Variants in CDCA5 observed in about 807,000 individuals in gnomAD.
CDCA5 encodes the protein cell division cycle associated 5.
CDCA5 carries 14 observed loss-of-function variants against 25.7 expected under a neutral mutation model. The observed-to-expected ratio is 0.54, with a 90% confidence interval of 0.36 to 0.85. CDCA5 has a LOEUF of 0.85. Ranked by LOEUF, CDCA5 falls within the 40% of genes least tolerant of loss-of-function variation. The pLI, the probability that CDCA5 is intolerant of heterozygous loss-of-function variation, is 0.01. For synonymous variants in CDCA5, 127 were observed against 128.7 expected, an observed-to-expected ratio of 0.99 and a Z score of 0.09; for missense variants, 307 against 324.5, an observed-to-expected ratio of 0.95 and a Z score of 0.41.
At chr11:65,066,631 C>T (rs572464737) in exon 6 of CDCA5, 39 of 1,289,298 alleles carry the variant, frequency 3.0e-5, no homozygotes, top group Non-Finnish European at 3.9e-5. Flanking sequence ...TGGGCCTCCT[C>T]CTGGATGGCC....
intron 1 of CDCA5, among the ~76,000 whole-genome samples, chr11:65,070,787 T>C (rs1326227830): frequency 6.6e-6 from 1 of 152,088 alleles, no homozygotes; most frequent in Non-Finnish European, 1.5e-5. Flanking sequence ...CCCAGGCAGG[T>C]TGAGAATTTC....
At chr11:65,073,389 C>T (rs1947378347), downstream of CDCA5, among the ~76,000 whole-genome samples, 1 of 152,146 alleles carries the variant, frequency 6.6e-6, no homozygotes, top group Non-Finnish European at 1.5e-5. Flanking sequence ...GGATTCAAAC[C>T]CAGTTGGATT....
chr11:65,079,392 C>T lies in CDCA5; in HGVS notation c.639G>A (p.Glu213=). The T allele has an allele frequency of 6.2e-7, 1 of 1,614,112 alleles. No individual in the cohort carries two copies. Among genetic ancestry groups the T allele is most frequent in the Non-Finnish European group, 8.5e-7 (1 of 1,180,008 alleles). Residue 213 remains glutamate, a synonymous_variant, in exon 5 of 6, where the codon GAG becomes GAA. Coordinates refer to ENST00000275517, the MANE Select transcript of CDCA5 (RefSeq NM_080668.4). ...TTTTCTTCTTCTTACGTTTCTGTTT[C>T]TCGGGTGGTGGGGAGATTCCAGGGA... ...MTLPGISPPP[E]KQKRKKKKMP... is the part of the protein sequence containing the mutation.
chr11:65,079,831 A>G, intron 4 of CDCA5, 44 bp from the exon 5 acceptor site: 3 of 1,379,684 alleles, frequency 2.2e-6, no homozygotes, highest in Non-Finnish European at 1.9e-6. Context: ...ACTTAGCTGG[A>G]CTGCTTACTT....
exon 6 of CDCA5, chr11:65,066,652 C>T: frequency 7.8e-7 from 1 of 1,289,340 alleles, no homozygotes; most frequent in African/African-American, 1.5e-5. Flanking sequence ...TGGGCTCCCT[C>T]CTTCAGGCTC....
downstream of CDCA5, among the ~76,000 whole-genome samples, chr11:65,065,121 G>A (rs1947220818): frequency 1.3e-5 from 2 of 152,084 alleles, no homozygotes; most frequent in African/African-American, 4.8e-5. Flanking sequence ...GTCACACGAG[G>A]ATTAACGAAG....
chr11:65,067,122 A>G (rs550873400), intron 4 of CDCA5, among the ~76,000 whole-genome samples: 1 of 152,354 alleles, frequency 6.6e-6, no homozygotes, highest in Admixed American at 6.5e-5. Context: ...TTCCTTTGCA[A>G]GAGCAGGGCA....
At chr11:65,076,038 A>G (rs961303533), downstream of CDCA5, among the ~76,000 whole-genome samples, 1 of 152,232 alleles carries the variant, frequency 6.6e-6, no homozygotes, top group Non-Finnish European at 1.5e-5. Flanking sequence ...GAATAAATTC[A>G]AAGTAAAGAG....
exon 7 of CDCA5, chr11:65,066,368 T>C (rs1284985540): frequency 8.4e-7 from 1 of 1,185,844 alleles, no homozygotes; most frequent in East Asian, 6.0e-5. Flanking sequence ...CGAGGAGGTG[T>C]CCGACCTCTG....
intron 1 of CDCA5, 26 bp from the exon 2 acceptor site, chr11:65,083,749 T>C (rs1029956074): frequency 4.4e-6 from 7 of 1,598,958 alleles, no homozygotes; most frequent in Non-Finnish European, 6.0e-6. Flanking sequence ...AGTTAAGTGG[T>C]AGAGGAGGAC....
In CDCA5 at chr11:65,079,573, C is replaced by T. The variant is rs2137127654; in HGVS notation, c.458G>A (p.Gly153Asp). Residue 153 changes from glycine to aspartate, a missense_variant, in exon 5 of 6, where the codon GGC becomes GAC. Physicochemically the swap from Gly to Asp is moderately conservative, Grantham distance 94. Coordinates refer to ENST00000275517, the MANE Select transcript of CDCA5 (RefSeq NM_080668.4). ...GCCTGGGGTGGAGGTAGAGGCAGAG[C>T]CCAGGGTCTCCAGCCGGCTGTAGGA... ...RRSYSRLETL[G>D]SASTSTPGRR... 4 of 1,613,728 alleles carry T rather than the reference C, an allele frequency of 2.5e-6. No individual in the cohort carries two copies. The East Asian group carries it at 8.9e-5, about 36-fold the overall frequency.
chr11:65,076,926 C>G (rs927811077), downstream of CDCA5, among the ~76,000 whole-genome samples: 1 of 152,148 alleles, frequency 6.6e-6, no homozygotes, highest in Admixed American at 6.5e-5. Flanking sequence ...AGCACTCTCA[C>G]CCCAGACCCG....
At chr11:65,068,612 C>T (rs1342575115) in intron 1 of CDCA5, 1 of 1,278,274 alleles carries the variant, frequency 7.8e-7, no homozygotes, top group Non-Finnish European at 1.0e-6. Context: ...CTGAGAGAGA[C>T]AGAAGCCTGC....
chr11:65,083,556 G>A lies in CDCA5; in HGVS notation c.142-6C>T, dbSNP rs369475726. ...ACTGCAGCCGCACTGGGTGTCTGGA[G>A]AAGAGGGATGAACGTGAGCTCAACA... is the stretch of plus-strand genomic sequence containing the variant. On this transcript the variant is annotated splice_polypyrimidine_tract_variant and splice_region_variant and intron_variant, in intron 2 of 5. Transcript: ENST00000275517. The A allele has an allele frequency of 9.3e-6, 15 of 1,614,062 alleles. No individual in the cohort carries two copies. The highest frequency in any genetic ancestry group is 5.5e-5 in the South Asian group (5 of 91,086).
In CDCA5 at chr11:65,077,623, T is replaced by C; in HGVS notation, c.*1484A>G. On this transcript the variant is annotated 3_prime_UTR_variant, in exon 6 of 6. Coordinates refer to ENST00000275517, the MANE Select transcript of CDCA5 (RefSeq NM_080668.4). ...GGACTAAGACATTTCCCAAGAGTTC[T>C]GCTGCATCAGCCAGTGAGGACAAGA... 1.0e-6 allele frequency: 1 copy of C among 985,500 alleles called. No individual in the cohort carries two copies. The highest frequency in any genetic ancestry group is 1.2e-6 in the Non-Finnish European group (1 of 829,950). 61.0% of individuals were successfully genotyped at this position (985,500 alleles called of 1,614,324 possible). A position where few individuals can be genotyped will look rare whatever the true frequency, so the allele number is the denominator to read the frequency against.
chr11:65,067,650 A>C (rs773440613), intron 4 of CDCA5: 4 of 1,289,112 alleles, frequency 3.1e-6, no homozygotes, highest in East Asian at 5.5e-5. Flanking sequence ...GCCCGCCCAG[A>C]TCACCTCATG....
At chr11:65,070,046 C>T (rs997579505) in intron 1 of CDCA5, among the ~76,000 whole-genome samples, 2 of 152,202 alleles carry the variant, frequency 1.3e-5, no homozygotes, top group Admixed American at 6.5e-5. Context: ...CAGGATGTGC[C>T]GCCGGGTCTC....
chr11:65,070,663 G>A (rs1287361440), intron 1 of CDCA5, among the ~76,000 whole-genome samples: 1 of 151,928 alleles, frequency 6.6e-6, no homozygotes, highest in Non-Finnish European at 1.5e-5. Context: ...TGTATTTTTT[G>A]TAGAGACAGG....
chr11:65,075,961 T>C (rs1331415048), downstream of CDCA5, among the ~76,000 whole-genome samples: 1 of 152,188 alleles, frequency 6.6e-6, no homozygotes, highest in Non-Finnish European at 1.5e-5. Context: ...GAGCTTAGTA[T>C]GTTGGATATT....
Sources: gnomAD v4.1 joint callset for allele counts (sites outside exome capture counted in the v4.1 genomes callset) on GRCh38, gnomAD v4.1.1 for gene constraint, MANE v1.5 for transcripts, NCBI Gene and HGNC (gene_info 2026-07-23, HGNC 2026-07-21) for gene names.